Variants in STXBP5L observed in about 807,000 individuals in gnomAD.
The protein encoded by STXBP5L is syntaxin-binding protein 5-like.
In STXBP5L, 65 loss-of-function variants were observed where a neutral mutation model predicts 144.5. The observed-to-expected ratio is 0.45, with a 90% CI of 0.37 to 0.55. The LOEUF is 0.55. STXBP5L is among the 20% of genes least tolerant of loss of function. STXBP5L has a pLI of 0.00. For synonymous variants in STXBP5L, 505 were observed against 469.6 expected (o/e 1.08, Z -0.97); for missense variants, 1,298 against 1,405.5 (o/e 0.92, Z 1.22).
chr3:121,326,726 G>T (rs2044161121), intron 20 of STXBP5L, among the ~76,000 whole-genome samples: 1 of 151,920 alleles, frequency 6.6e-6, no homozygotes, highest in Non-Finnish European at 1.5e-5. Flanking sequence ...ACACTTAATT[G>T]TGTGCCAGTG....
chr3:121,043,157 C>T (rs978361002), intron 4 of STXBP5L, among the ~76,000 whole-genome samples: 1 of 151,988 alleles, frequency 6.6e-6, no homozygotes, highest in Non-Finnish European at 1.5e-5. Context: ...AACTACTCGC[C>T]CTATGTACCT....
chr3:121,058,954 T>C (rs539697870), intron 5 of STXBP5L, among the ~76,000 whole-genome samples: 160 of 152,376 alleles, frequency 1.1e-3, no homozygotes, highest in African/African-American at 3.7e-3. Flanking sequence ...TTTCTTTTGC[T>C]GTGCAGAATC....
rs1175660023 is a variant in STXBP5L, at chr3:121,311,394, A to G, written c.2111-7081A>G. On this transcript the variant is annotated intron_variant, in intron 19 of 26. Coordinates refer to ENST00000471454, the MANE Select transcript of STXBP5L (RefSeq NM_001308330.2). The stretch of plus-strand genomic sequence containing the variant: ...TTATTGTGGCTTTATTTAGTATAGT[A>G]AAGATTGGAAAATCCAAATGTTTCA... Among the ~76,000 whole-genome samples, 4 of 152,238 alleles carry G rather than the reference A, an allele frequency of 2.6e-5. No homozygotes were observed. In the East Asian group the frequency reaches 7.7e-4, roughly 29 times the overall value.
chr3:120,975,881 C>G (rs1190618676), intron 3 of STXBP5L, among the ~76,000 whole-genome samples: 1 of 151,974 alleles, frequency 6.6e-6, no homozygotes, highest in Non-Finnish European at 1.5e-5. Flanking sequence ...GCCTTGCATC[C>G]CAGGGATGAA....
chr3:121,423,712 A>C lies in STXBP5L; in HGVS notation c.*4615A>C, dbSNP rs1003158854. 2 of 152,240 alleles carry C rather than the reference A, an allele frequency of 1.3e-5. No homozygotes were observed. The highest frequency in any genetic ancestry group is 2.9e-5 in the Non-Finnish European group (2 of 68,046). 9.4% of individuals were successfully genotyped at this position (152,240 alleles called of 1,614,324 possible). On this transcript the variant is annotated 3_prime_UTR_variant, in exon 27 of 27. Transcript: ENST00000471454. ...CCAAGGCGGTTCTAATGTCCAGCCA[A>C]AGTTGATTATCACTGCTTTATGGCC...
At chr3:121,140,142 A>G (rs2045435519) in intron 7 of STXBP5L, among the ~76,000 whole-genome samples, 1 of 151,934 alleles carries the variant, frequency 6.6e-6, no homozygotes, top group African/African-American at 2.4e-5. Flanking sequence ...ATAAATGGCC[A>G]ACAAGTATAT....
At chr3:121,404,993 C>T (rs1043719973) in intron 22 of STXBP5L, among the ~76,000 whole-genome samples, 2 of 152,088 alleles carry the variant, frequency 1.3e-5, no homozygotes, top group African/African-American at 4.8e-5. Context: ...TTGCAGATGG[C>T]TGCCTTCTTG....
intron 20 of STXBP5L, among the ~76,000 whole-genome samples, chr3:121,372,344 C>T (rs2046057214): frequency 6.6e-6 from 1 of 152,130 alleles, no homozygotes; most frequent in Non-Finnish European, 1.5e-5. Flanking sequence ...CTTATGGGAG[C>T]AAGTTGAGCC....
chr3:121,066,438 A>G (rs1048514265), intron 5 of STXBP5L, among the ~76,000 whole-genome samples: 9 of 151,448 alleles, frequency 5.9e-5, no homozygotes, highest in African/African-American at 1.2e-4. Flanking sequence ...ATTTTATCAT[A>G]TACTTTCTCA....
At chr3:121,212,842 A>G (rs1311778991) in intron 10 of STXBP5L, among the ~76,000 whole-genome samples, 1 of 152,182 alleles carries the variant, frequency 6.6e-6, no homozygotes, top group African/African-American at 2.4e-5. Flanking sequence ...CTTCCTATCC[A>G]TTAGCATGGA....
intron 2 of STXBP5L, among the ~76,000 whole-genome samples, chr3:120,931,340 G>A (rs1709924898): frequency 6.6e-6 from 1 of 152,154 alleles, no homozygotes; most frequent in Non-Finnish European, 1.5e-5. Flanking sequence ...GATAAGGGGA[G>A]CCTTTAGCTA....
At chr3:121,342,434 T>G (rs1367000110) in intron 20 of STXBP5L, among the ~76,000 whole-genome samples, 2 of 151,676 alleles carry the variant, frequency 1.3e-5, no homozygotes, top group Admixed American at 1.3e-4. Flanking sequence ...GCCATGCTGG[T>G]GCGCTGCACC....
chr3:121,190,760 GGA>G (rs2047633175), intron 9 of STXBP5L, among the ~76,000 whole-genome samples: 1 of 113,948 alleles, frequency 8.8e-6, no homozygotes, highest in Non-Finnish European at 2.0e-5. Context: ...GCTGCCGGGC[GGA>G]GGGGCTCCTC....
At chr3:121,374,734 A>C (rs1035382908) in intron 20 of STXBP5L, among the ~76,000 whole-genome samples, 1 of 152,088 alleles carries the variant, frequency 6.6e-6, no homozygotes, top group African/African-American at 2.4e-5. Context: ...ACTTGAAGCC[A>C]GGTCTTTTGA....
intron 20 of STXBP5L, among the ~76,000 whole-genome samples, chr3:121,340,603 T>C (rs982505444): frequency 3.9e-5 from 6 of 151,978 alleles, no homozygotes; most frequent in Admixed American, 6.6e-5. Context: ...GCCCTTGTGA[T>C]AGTTTGCTTA....
chr3:120,910,117 G>A (rs1157874165), intron 2 of STXBP5L, among the ~76,000 whole-genome samples: 6 of 152,318 alleles, frequency 3.9e-5, no homozygotes, highest in South Asian at 4.1e-4. Flanking sequence ...TTATTTCACT[G>A]TTCAGTATGA....
At chr3:121,054,051 A>T (rs1948248303) in intron 5 of STXBP5L, among the ~76,000 whole-genome samples, 1 of 152,192 alleles carries the variant, frequency 6.6e-6, no homozygotes, top group African/African-American at 2.4e-5. Context: ...ATACCATCTC[A>T]CACCCGTTAG....
intron 7 of STXBP5L, among the ~76,000 whole-genome samples, chr3:121,125,079 G>C (rs2044643694): frequency 6.6e-6 from 1 of 152,008 alleles, no homozygotes; most frequent in Non-Finnish European, 1.5e-5. Context: ...TTGTATTTCT[G>C]GGATAAATTC....
At chr3:121,003,523 G>T (rs13314307) in intron 3 of STXBP5L, among the ~76,000 whole-genome samples, 9 of 152,160 alleles carry the variant, frequency 5.9e-5, no homozygotes, top group Non-Finnish European at 1.2e-4. Flanking sequence ...TCTGATGGTA[G>T]TTTCTTTTGC....
Sources: allele counts gnomAD v4.1 joint callset (sites outside exome capture counted in the v4.1 genomes callset), GRCh38; gene constraint gnomAD v4.1.1; transcripts MANE v1.5; gene names NCBI Gene and HGNC (gene_info 2026-07-23, HGNC 2026-07-21).